Variants in GPC5 observed in about 807,000 individuals in gnomAD.
The protein encoded by GPC5 is glypican 5.
In GPC5, 47 loss-of-function variants were observed where a neutral mutation model predicts 53.9. That is an observed-to-expected ratio of 0.87 (90% CI 0.69 to 1.11). The LOEUF (loss-of-function observed/expected upper bound fraction) is 1.11. Among genes scored for constraint, GPC5 ranks in the 50% most tolerant of loss-of-function variants. The probability of loss-of-function intolerance (pLI) is 0.00; values close to 1 mark genes in which losing one functional copy is unlikely to be tolerated. For missense variants in GPC5, 748 were observed against 713.1 expected, an observed-to-expected ratio of 1.05 and a Z score of -0.56; for synonymous variants, 286 against 263.3, an observed-to-expected ratio of 1.09 and a Z score of -0.84.
intron 7 of GPC5, among the ~76,000 whole-genome samples, chr13:92,761,628 T>C (rs1252750032): frequency 6.6e-6 from 1 of 152,198 alleles, no homozygotes; most frequent in Non-Finnish European, 1.5e-5. Context: ...AGTAGGTCTC[T>C]TGTAGCAGCA....
chr13:92,468,755 T>C (rs1878798737), intron 7 of GPC5, among the ~76,000 whole-genome samples: 1 of 152,158 alleles, frequency 6.6e-6, no homozygotes, highest in Admixed American at 6.6e-5. Context: ...CTGAGCACTT[T>C]CACTTTTTTT....
intron 7 of GPC5, among the ~76,000 whole-genome samples, chr13:92,570,829 T>C (rs888075423): frequency 1.3e-5 from 2 of 152,302 alleles, no homozygotes; most frequent in East Asian, 1.9e-4. Context: ...ACCTTTACAT[T>C]GCTAGAGTTG....
chr13:91,483,945 A>G (rs1883446803), intron 2 of GPC5, among the ~76,000 whole-genome samples: 1 of 152,188 alleles, frequency 6.6e-6, no homozygotes, highest in South Asian at 2.1e-4. Flanking sequence ...ACACTATATC[A>G]TACCTTCCTG....
intron 7 of GPC5, among the ~76,000 whole-genome samples, chr13:92,565,123 T>C (rs1032339757): frequency 6.6e-6 from 1 of 152,086 alleles, no homozygotes; most frequent in Non-Finnish European, 1.5e-5. Flanking sequence ...ATACCTAAAG[T>C]ATTTGTCAAT....
intron 7 of GPC5, among the ~76,000 whole-genome samples, chr13:92,333,678 A>C (rs2043303245): frequency 2.0e-5 from 3 of 152,124 alleles, no homozygotes; most frequent in Admixed American, 2.0e-4. Context: ...CGTTTACAGC[A>C]GTCCTTTTAC....
At chr13:92,728,462 G>A (rs1226603589) in intron 7 of GPC5, among the ~76,000 whole-genome samples, 1 of 151,350 alleles carries the variant, frequency 6.6e-6, no homozygotes, top group African/African-American at 2.4e-5. Flanking sequence ...TAGTTCAGAA[G>A]AATAGATTTA....
At chr13:92,379,207 T>C (rs2043718411) in intron 7 of GPC5, among the ~76,000 whole-genome samples, 4 of 152,230 alleles carry the variant, frequency 2.6e-5, no homozygotes, top group Admixed American at 2.0e-4. Context: ...CATTGATGTA[T>C]GCGAGGCAGA....
intron 2 of GPC5, among the ~76,000 whole-genome samples, chr13:91,647,440 A>G (rs2034588818): frequency 6.6e-6 from 1 of 152,178 alleles, no homozygotes; most frequent in African/African-American, 2.4e-5. Context: ...AGTGATGGCA[A>G]TGGCCTTGCA....
At chr13:91,982,706 C>T (rs991099441) in intron 6 of GPC5, among the ~76,000 whole-genome samples, 1 of 152,114 alleles carries the variant, frequency 6.6e-6, no homozygotes, top group East Asian at 1.9e-4. Flanking sequence ...TGGTGCCACA[C>T]ACCTCAGAGA....
intron 6 of GPC5, among the ~76,000 whole-genome samples, chr13:91,976,219 A>T (rs1276793016): frequency 1.3e-5 from 2 of 152,190 alleles, no homozygotes; most frequent in African/African-American, 4.8e-5. Flanking sequence ...ACATGTATAC[A>T]TATGTAACTA....
intron 7 of GPC5, among the ~76,000 whole-genome samples, chr13:92,621,940 CAAT>C (rs898099485): frequency 5.3e-5 from 8 of 151,896 alleles, no homozygotes; most frequent in Non-Finnish European, 8.8e-5. Flanking sequence ...ACAAAAACAA[CAAT>C]AATAATAATA....
At chr13:92,341,235 G>A (rs1026675585) in intron 7 of GPC5, among the ~76,000 whole-genome samples, 1 of 151,954 alleles carries the variant, frequency 6.6e-6, no homozygotes, top group Non-Finnish European at 1.5e-5. Flanking sequence ...ACTTCTAGAG[G>A]CTTTACTCTG....
At chr13:92,046,569 C>T (rs2040983561) in intron 6 of GPC5, among the ~76,000 whole-genome samples, 1 of 152,138 alleles carries the variant, frequency 6.6e-6, no homozygotes, top group Non-Finnish European at 1.5e-5. Flanking sequence ...TACCGATTTC[C>T]AGGAAGAAAA....
chr13:92,543,601 A>G (rs961127336), intron 7 of GPC5, among the ~76,000 whole-genome samples: 1 of 152,170 alleles, frequency 6.6e-6, no homozygotes, highest in East Asian at 1.9e-4. Context: ...GTTTCAGCAT[A>G]AAGTCTAGGG....
At chr13:91,672,782 C>T (rs774471778) in intron 2 of GPC5, among the ~76,000 whole-genome samples, 9 of 152,166 alleles carry the variant, frequency 5.9e-5, no homozygotes, top group East Asian at 1.9e-4. Context: ...CACATGCATA[C>T]GTATGTTTAT....
At chr13:92,482,123 C>T (rs1879382046) in intron 7 of GPC5, among the ~76,000 whole-genome samples, 1 of 150,084 alleles carries the variant, frequency 6.7e-6, no homozygotes, top group Non-Finnish European at 1.5e-5. Flanking sequence ...AAGGGCAAAA[C>T]TCTGCCTAAA....
At chr13:92,669,952 T>C (rs1386112023) in intron 7 of GPC5, among the ~76,000 whole-genome samples, 2 of 152,194 alleles carry the variant, frequency 1.3e-5, no homozygotes, top group African/African-American at 4.8e-5. Context: ...ACACAATCTA[T>C]GTTTTTCTAC....
Position 92,438,273 on chromosome 13 carries a change from T to A in GPC5, c.1561+293284T>A, listed in dbSNP as rs192568241. Among the ~76,000 whole-genome samples the A allele has an allele frequency of 1.9e-3, 296 of 152,032 alleles. 2 individuals carry two copies. The highest frequency in any genetic ancestry group is 0.014 in the Middle Eastern group (4 of 294). On this transcript the variant is annotated intron_variant, in intron 7 of 7. Transcript: ENST00000377067. ...AACCCAATCTACAATGTTGGGTAAG[T>A]GTTCCCAAAGAAAATCACACGTAAG...
chr13:91,601,754 C>A (rs917789385), intron 2 of GPC5, among the ~76,000 whole-genome samples: 8 of 152,270 alleles, frequency 5.3e-5, no homozygotes, highest in South Asian at 2.1e-4. Flanking sequence ...AAGCTCAGGG[C>A]TCCCACTGAT....
Sources: gnomAD v4.1 joint callset for allele counts (sites outside exome capture counted in the v4.1 genomes callset) on GRCh38, gnomAD v4.1.1 for gene constraint, MANE v1.5 for transcripts, NCBI Gene and HGNC (gene_info 2026-07-23, HGNC 2026-07-21) for gene names.